Variants in GEN1 observed in about 807,000 individuals in gnomAD.
GEN1 encodes the protein flap endonuclease GEN homolog 1.
A neutral mutation model predicts 67.6 loss-of-function variants in GEN1; 64 were observed. The observed-to-expected ratio is 0.95, with a 90% CI of 0.77 to 1.17. The LOEUF (loss-of-function observed/expected upper bound fraction) is 1.17. Among genes scored for constraint, GEN1 ranks in the 50% most tolerant of loss-of-function variants. The pLI is 0.00. For synonymous variants in GEN1, 371 were observed against 359.4 expected (o/e 1.03, Z -0.37); for missense variants, 1,058 against 1,048.3 (o/e 1.01, Z -0.13).
In GEN1 at chr2:17,777,989, A is replaced by G; in HGVS notation, c.1203-13A>G. On this transcript the variant is annotated splice_polypyrimidine_tract_variant and intron_variant, in intron 11 of 13. Coordinates refer to ENST00000381254, the MANE Select transcript of GEN1 (RefSeq NM_001130009.3). The stretch of plus-strand genomic sequence containing the variant: ...TATGCAATTAGACTTCATTAAATGA[A>G]TTTGTTTTTCAGAATTGTTAAGACT... 6.7e-7 allele frequency: 1 copy of G among 1,488,208 alleles called. No individual in the cohort carries two copies. The highest frequency in any genetic ancestry group is 9.4e-7 in the Non-Finnish European group (1 of 1,068,232). The allele number at this position is 1,488,208 out of a possible 1,614,324, so 92.2% of individuals were successfully genotyped here.
chr2:17,764,972 C>T lies in GEN1; in HGVS notation c.424C>T (p.Leu142Phe). Reference sequence around the variant, plus strand: ...GGAAGCTGAAGCCATGTGTGCTTATCTCAATGCTGGTGGTCATGTCGATGG... The same window carrying T: ...GGAAGCTGAAGCCATGTGTGCTTATTTCAATGCTGGTGGTCATGTCGATGG... ...AGEAEAMCAY[L>F]NAGGHVDGCL... Residue 142 changes from leucine (L) to phenylalanine (F), a missense_variant, in exon 4 of 14, where the codon CTC becomes TTC. Leu to Phe is a conservative substitution (Grantham distance 22). Coordinates refer to ENST00000381254, the MANE Select transcript of GEN1 (RefSeq NM_001130009.3). The T allele has an allele frequency of 6.2e-7, 1 of 1,614,148 alleles. No individual in the cohort carries two copies. Among genetic ancestry groups the T allele is most frequent in the Non-Finnish European group, 8.5e-7 (1 of 1,180,026 alleles).
intron 12 of GEN1, among the ~76,000 whole-genome samples, chr2:17,778,628 G>A (rs1672673424): frequency 6.6e-6 from 1 of 151,934 alleles, no homozygotes; most frequent in African/African-American, 2.4e-5. Context: ...CATTTCTTTT[G>A]TAATGTTTAA....
At chr2:17,778,319 CACACGTGT>C (rs1558409329) in intron 12 of GEN1, among the ~76,000 whole-genome samples, 2,164 of 46,340 alleles carry the variant, frequency 0.047, 358 homozygotes, top group Middle Eastern at 0.091. Context: ...TATATACACA[CACACGTGT>C]ACATATATGT....
intron 3 of GEN1, among the ~76,000 whole-genome samples, chr2:17,764,204 C>T (rs1455258851): frequency 2.0e-5 from 3 of 152,120 alleles, no homozygotes; most frequent in Non-Finnish European, 4.4e-5. Flanking sequence ...CTGACTTCTC[C>T]GCAGTTTCCC....
At chr2:17,776,962 T>G (rs539055666) in intron 11 of GEN1, among the ~76,000 whole-genome samples, 2 of 152,222 alleles carry the variant, frequency 1.3e-5, no homozygotes, top group African/African-American at 4.8e-5. Context: ...ACCTGTCTAC[T>G]ACAAATACAA....
chr2:17,753,321 G>A (rs1276941056), upstream of GEN1, among the ~76,000 whole-genome samples: 1 of 152,260 alleles, frequency 6.6e-6, no homozygotes, highest in Admixed American at 6.5e-5. Context: ...GCCCGGGAGA[G>A]TCTGGGGACG....
intron 5 of GEN1, among the ~76,000 whole-genome samples, chr2:17,767,577 T>TG (rs1671988902): frequency 6.6e-6 from 1 of 152,178 alleles, no homozygotes; most frequent in Non-Finnish European, 1.5e-5. Flanking sequence ...CACAAACCAT[T>TG]ATTTTGTAAT....
chr2:17,761,771 T>G (rs1408638921), intron 3 of GEN1, among the ~76,000 whole-genome samples, 189 bp downstream of exon 3: 1 of 152,228 alleles, frequency 6.6e-6, no homozygotes, highest in African/African-American at 2.4e-5. Context: ...GTAGAAACTC[T>G]GAGACACTGA....
At chr2:17,764,435 G>A (rs775733899) in intron 3 of GEN1, among the ~76,000 whole-genome samples, 6 of 152,162 alleles carry the variant, frequency 3.9e-5, no homozygotes, top group African/African-American at 7.2e-5. Context: ...GCAATGAAAT[G>A]TGAATATGGA....
At chr2:17,772,971 A>G (rs950612452) in intron 8 of GEN1, 125 bp from the exon 9 acceptor site, 29 of 813,366 alleles carry the variant, frequency 3.6e-5, no homozygotes, top group Non-Finnish European at 4.9e-5. Flanking sequence ...TTCAAAGGGA[A>G]GCTTGACTGT....
rs1006269886 is a variant in GEN1 at position 17,784,653 on chromosome 2, C to T, written c.*2714C>T. The T allele has an allele frequency of 2.6e-5, 4 of 152,030 alleles. No homozygotes were observed. The highest frequency in any genetic ancestry group is 6.6e-5 in the Admixed American group (1 of 15,262). 9.4% of individuals were successfully genotyped at this position (152,030 alleles called of 1,614,324 possible). ...ATTATTTACAAACCTTGTATCATCT[C>T]AACTCTTTAAGGACTGTATTGCAAT... is the stretch of plus-strand genomic sequence containing the variant. On this transcript the variant is annotated 3_prime_UTR_variant, in exon 14 of 14. Transcript: ENST00000381254.
intron 2 of GEN1, among the ~76,000 whole-genome samples, chr2:17,760,386 ATTTT>A (rs1671618963): frequency 6.6e-6 from 1 of 152,126 alleles, no homozygotes; most frequent in Non-Finnish European, 1.5e-5. Context: ...TTTTCTCCCT[ATTTT>A]ACTTCTCTCC....
At chr2:17,761,066 A>G (rs1671654990) in intron 2 of GEN1, among the ~76,000 whole-genome samples, 1 of 152,126 alleles carries the variant, frequency 6.6e-6, no homozygotes, top group African/African-American at 2.4e-5. Context: ...CCCCATCTCT[A>G]CAAAAAATAC....
chr2:17,771,176 A>T lies in GEN1; in HGVS notation c.711-20A>T. The T allele has an allele frequency of 6.5e-7, 1 of 1,542,660 alleles. No homozygotes were observed. Among genetic ancestry groups the T allele is most frequent in the Non-Finnish European group, 9.0e-7 (1 of 1,115,698 alleles). On this transcript the variant is annotated intron_variant, in intron 6 of 13. Transcript: ENST00000381254. Reference sequence around the variant, plus strand: ...GACCTCATTTTTTTTCCTTTTTTTAAAAACCACTTTCTATTAAAGGTTTAA... The same window carrying T: ...GACCTCATTTTTTTTCCTTTTTTTATAAACCACTTTCTATTAAAGGTTTAA...
intron 12 of GEN1, 24 bp from the exon 13 acceptor site, chr2:17,779,954 T>G: frequency 6.3e-7 from 1 of 1,581,030 alleles, no homozygotes; most frequent in Middle Eastern, 1.7e-4. Context: ...TTAAGGACAC[T>G]TTGCTGTATT....
At chr2:17,776,267 A>G in intron 11 of GEN1, among the ~76,000 whole-genome samples, 1 of 152,212 alleles carries the variant, frequency 6.6e-6, no homozygotes, top group East Asian at 1.9e-4. Context: ...ATTAAAATAA[A>G]GAGACAACAC....
rs1230146572 is a variant in GEN1 at position 17,781,919 on chromosome 2, C to T, written c.2707C>T (p.Leu903=). 1.3e-6 allele frequency: 2 copies of T among 1,555,344 alleles called. No individual in the cohort carries two copies. The highest frequency in any genetic ancestry group is 1.7e-6 in the Non-Finnish European group (2 of 1,156,206). The change falls in exon 14 of 14, where the codon CTA becomes TTA. Residue 903 remains leucine, a synonymous_variant. Coordinates refer to ENST00000381254, the MANE Select transcript of GEN1 (RefSeq NM_001130009.3). ...TCTTCCTTTACGCCAGAGATTAAAACTAAGATTCCAAAGCACTTGAAATTT... is the reference window on the plus strand; with the variant it reads ...TCTTCCTTTACGCCAGAGATTAAAATTAAGATTCCAAAGCACTTGAAATTT... The part of the protein sequence containing the change: ...SPLPLRQRLK[L]RFQST
rs921908664 is a variant in GEN1 at position 17,784,265 on chromosome 2, A to G, written c.*2326A>G. 15 of 152,238 alleles carry G rather than the reference A, an allele frequency of 9.9e-5. No individual in the cohort carries two copies. The highest frequency in any genetic ancestry group is 3.6e-4 in the African/African-American group (15 of 41,460). The allele number at this position is 152,238 out of a possible 1,614,324, so 9.4% of individuals were successfully genotyped here. On this transcript the variant is annotated 3_prime_UTR_variant, in exon 14 of 14. Coordinates refer to ENST00000381254, the MANE Select transcript of GEN1 (RefSeq NM_001130009.3). ...TACTATTACTCATCAGGAAAATGCA[A>G]ATCAAAACCACAAGACACCCAATGT...
chr2:17,758,480 CTT>C (rs1198978532), intron 1 of GEN1, among the ~76,000 whole-genome samples: 1 of 152,178 alleles, frequency 6.6e-6, no homozygotes, highest in Non-Finnish European at 1.5e-5. Context: ...GTACTGCACT[CTT>C]TTTCCAGAAT....
Sources: allele counts gnomAD v4.1 joint callset (sites outside exome capture counted in the v4.1 genomes callset), GRCh38; gene constraint gnomAD v4.1.1; transcripts MANE v1.5; gene names NCBI Gene and HGNC (gene_info 2026-07-23, HGNC 2026-07-21).